SAMD4A: variants seen among roughly 807,000 people sequenced by gnomAD.
The protein encoded by SAMD4A is protein Smaug homolog 1.
Under a neutral mutation model 81.3 loss-of-function variants are expected in SAMD4A, and 33 were observed. That is an observed-to-expected ratio of 0.41 (90% confidence interval 0.31 to 0.54). SAMD4A has a LOEUF of 0.54. SAMD4A is among the 20% of genes least tolerant of loss of function. SAMD4A has a pLI of 0.37. For missense variants in SAMD4A, 854 were observed against 951.1 expected (o/e 0.90, Z 1.34); for synonymous variants, 389 against 382.1 (o/e 1.02, Z -0.21).
intron 2 of SAMD4A, among the ~76,000 whole-genome samples, chr14:54,574,608 A>G (rs1259435765): frequency 6.6e-6 from 1 of 152,242 alleles, no homozygotes; most frequent in African/African-American, 2.4e-5. Flanking sequence ...GATTTCCAGT[A>G]TATTTAAAGA....
intron 2 of SAMD4A, among the ~76,000 whole-genome samples, chr14:54,631,920 C>G (rs993011267): frequency 2.0e-5 from 3 of 152,228 alleles, no homozygotes; most frequent in Non-Finnish European, 4.4e-5. Context: ...GTTTTACTCT[C>G]TGTCTCACCC....
chr14:54,568,245 C>T lies in SAMD4A; in HGVS notation c.196+133C>T, dbSNP rs528982867. 152 of 765,536 alleles carry T rather than the reference C, an allele frequency of 2.0e-4. 2 individuals carry two copies. In the South Asian group the frequency reaches 2.3e-3, roughly 11 times the overall value. 47.4% of individuals were successfully genotyped at this position (765,536 alleles called of 1,614,324 possible). ...GGACCTGGACGGCGTGGCCCCGAGGCCCTCGGAATCCACCCCCTCCGGGTG... is the reference window on the plus strand; with the variant it reads ...GGACCTGGACGGCGTGGCCCCGAGGTCCTCGGAATCCACCCCCTCCGGGTG... On this transcript the variant is annotated intron_variant, in intron 2 of 12. Coordinates refer to ENST00000554335, the MANE Select transcript of SAMD4A (RefSeq NM_015589.6).
chr14:54,757,425 G>GTGTGTGTTT (rs146340671), intron 6 of SAMD4A, among the ~76,000 whole-genome samples: 1,473 of 135,934 alleles, frequency 0.011, 21 homozygotes, highest in East Asian at 0.032. Context: ...GTGTGTGTGT[G>GTGTGTGTTT]TGTTTTGTTT....
At chr14:54,634,263 G>A (rs1310863275) in intron 2 of SAMD4A, among the ~76,000 whole-genome samples, 1 of 125,192 alleles carries the variant, frequency 8.0e-6, no homozygotes, top group African/African-American at 3.0e-5. Flanking sequence ...TCCAGCCCGG[G>A]CGACAGAGCA....
intron 12 of SAMD4A, 119 bp downstream of exon 12, chr14:54,784,739 G>A: frequency 1.1e-6 from 1 of 894,052 alleles, no homozygotes; most frequent in Non-Finnish European, 1.9e-6. Context: ...ACAAGGAGGG[G>A]TAGGCAGGGG....
At chr14:54,627,733 C>T (rs2034799700) in intron 2 of SAMD4A, among the ~76,000 whole-genome samples, 1 of 152,198 alleles carries the variant, frequency 6.6e-6, no homozygotes, top group Admixed American at 6.5e-5. Context: ...AAAGCCGAAG[C>T]TTTATCTGTG....
chr14:54,657,437 G>C (rs1257925139), intron 2 of SAMD4A, among the ~76,000 whole-genome samples: 1 of 152,130 alleles, frequency 6.6e-6, no homozygotes, highest in Non-Finnish European at 1.5e-5. Context: ...CGATGTAATT[G>C]GGCTGTTTAC....
In SAMD4A at chr14:54,614,983, T is replaced by A. The variant is rs888900653; in HGVS notation, c.196+46871T>A. On this transcript the variant is annotated intron_variant, in intron 2 of 12. Coordinates refer to ENST00000554335, the MANE Select transcript of SAMD4A (RefSeq NM_015589.6). ...CATCTTTCTTTGGTAGTATGCCCAG[T>A]GTGTGTTTAATTAAGATTAACTAAC... Among the ~76,000 whole-genome samples the A allele has an allele frequency of 6.0e-4, 92 of 152,326 alleles. 1 individual carries two copies. Among genetic ancestry groups the A allele is most frequent in the African/African-American group, 2.0e-3 (85 of 41,564 alleles).
At chr14:54,788,733 G>A (rs544310298) in intron 12 of SAMD4A, among the ~76,000 whole-genome samples, 183 bp from the exon 13 acceptor site, 11 of 152,162 alleles carry the variant, frequency 7.2e-5, no homozygotes, top group Non-Finnish European at 1.6e-4. Flanking sequence ...ATGGCTCCTG[G>A]CAAAAATAGC....
chr14:54,729,327 C>T (rs571783144), intron 3 of SAMD4A, among the ~76,000 whole-genome samples: 2 of 152,270 alleles, frequency 1.3e-5, no homozygotes, highest in Non-Finnish European at 2.9e-5. Flanking sequence ...GATGAAACAG[C>T]ACTTACAATT....
chr14:54,731,968 C>G (rs1187499435), intron 3 of SAMD4A, among the ~76,000 whole-genome samples: 1 of 152,048 alleles, frequency 6.6e-6, no homozygotes, highest in African/African-American at 2.4e-5. Flanking sequence ...ATAGTGACAG[C>G]AAAAAGAAAT....
chr14:54,610,018 C>T (rs749296089), intron 2 of SAMD4A, among the ~76,000 whole-genome samples: 13 of 152,076 alleles, frequency 8.5e-5, no homozygotes, highest in Non-Finnish European at 1.8e-4. Flanking sequence ...TTATATATGC[C>T]GTGTTTTTAA....
At chr14:54,644,036 G>A (rs564951005) in intron 2 of SAMD4A, among the ~76,000 whole-genome samples, 1 of 152,324 alleles carries the variant, frequency 6.6e-6, no homozygotes, top group Admixed American at 6.5e-5. Context: ...GGTCATTTGG[G>A]TGATCTGGAA....
chr14:54,746,242 C>T (rs560434283), intron 4 of SAMD4A, among the ~76,000 whole-genome samples: 29 of 152,284 alleles, frequency 1.9e-4, no homozygotes, highest in African/African-American at 6.0e-4. Context: ...TTTGTTTTTC[C>T]GTTCTCCTTA....
At chr14:54,759,269 C>A (rs1043097125) in intron 6 of SAMD4A, among the ~76,000 whole-genome samples, 1 of 152,212 alleles carries the variant, frequency 6.6e-6, no homozygotes, top group South Asian at 2.1e-4. Context: ...AGCATCCCTG[C>A]CCTGGCCCAA....
chr14:54,672,053 T>C (rs1317240555), intron 2 of SAMD4A, among the ~76,000 whole-genome samples: 1 of 146,386 alleles, frequency 6.8e-6, no homozygotes, highest in African/African-American at 2.5e-5. Flanking sequence ...CAGGGTATAG[T>C]CAGCCATTCT....
At chr14:54,565,652 G>A (rs1260351117), upstream of SAMD4A, among the ~76,000 whole-genome samples, 6 of 151,868 alleles carry the variant, frequency 4.0e-5, no homozygotes, top group Admixed American at 1.3e-4. The surrounding 1 kb of genome is among the most constrained non-coding windows in gnomAD (Gnocchi z 5.4). Context: ...GCCCCAGAAG[G>A]GCCGAGGGTC....
rs1381723488 is a variant in SAMD4A at position 54,567,905 on chromosome 14, GGCC to G, written c.-11_-9del. 5.0e-6 allele frequency: 8 copies of G among 1,603,294 alleles called. No homozygotes were observed. On this transcript the variant is annotated 5_prime_UTR_variant, in exon 2 of 13. Coordinates refer to ENST00000554335, the MANE Select transcript of SAMD4A (RefSeq NM_015589.6). Reference sequence around the variant, plus strand: ...CCAGGGGGCTCTGTAGACCGAGGGCGGCCCCCTAACCATGATGTTTCGCGACCA... The same window carrying G: ...CCAGGGGGCTCTGTAGACCGAGGGCGCCCTAACCATGATGTTTCGCGACCA...
At chr14:54,698,340 A>G (rs1046858887) in intron 2 of SAMD4A, among the ~76,000 whole-genome samples, 2 of 152,252 alleles carry the variant, frequency 1.3e-5, no homozygotes, top group Non-Finnish European at 1.5e-5. Context: ...TAATTATGTT[A>G]TAAATATCAA....
Sources: allele counts gnomAD v4.1 joint callset (sites outside exome capture counted in the v4.1 genomes callset), GRCh38; gene constraint gnomAD v4.1.1; non-coding constraint Gnocchi (gnomAD v3.1); transcripts MANE v1.5; gene names NCBI Gene and HGNC (gene_info 2026-07-23, HGNC 2026-07-21).